Variants in MAGI2 observed in about 807,000 individuals in gnomAD.
MAGI2 encodes membrane-associated guanylate kinase, WW and PDZ domain-containing protein 2.
Under a neutral mutation model 133.3 loss-of-function variants are expected in MAGI2, and 35 were observed. The observed-to-expected ratio is 0.26, with a 90% confidence interval of 0.20 to 0.35. MAGI2 has a LOEUF of 0.35. Among genes scored for constraint, MAGI2 ranks in the 10% least tolerant of loss-of-function variants. MAGI2 has a pLI of 1.00. For synonymous variants in MAGI2, 729 were observed against 710.6 expected (o/e 1.03, Z -0.41); for missense variants, 1,636 against 1,863.4 (o/e 0.88, Z 2.25).
intron 1 of MAGI2, among the ~76,000 whole-genome samples, chr7:79,344,569 C>A (rs1305606198): frequency 6.6e-6 from 1 of 151,982 alleles, no homozygotes; most frequent in Non-Finnish European, 1.5e-5. Flanking sequence ...TAGATATAAA[C>A]AAAGGTGCAA....
At chr7:78,617,885 C>T (rs2150930003) in intron 3 of MAGI2, 1 of 151,998 alleles carries the variant, frequency 6.6e-6, no homozygotes. Flanking sequence ...TTTCTATTTC[C>T]CCTGAGAGAA....
intron 16 of MAGI2, among the ~76,000 whole-genome samples, chr7:78,156,811 GA>G (rs577837030): frequency 9.6e-5 from 12 of 125,196 alleles, no homozygotes; most frequent in African/African-American, 1.5e-4. Flanking sequence ...CCGAAGCCAC[GA>G]AAAAAAAAAC....
At chr7:79,331,253 T>A (rs912104847) in intron 1 of MAGI2, among the ~76,000 whole-genome samples, 3 of 152,192 alleles carry the variant, frequency 2.0e-5, no homozygotes, top group Non-Finnish European at 4.4e-5. Context: ...CTCGATGTAT[T>A]GTTAATGAGT....
intron 21 of MAGI2, among the ~76,000 whole-genome samples, chr7:78,021,470 A>T (rs1377354870): frequency 1.3e-5 from 2 of 152,140 alleles, no homozygotes; most frequent in Non-Finnish European, 2.9e-5. Flanking sequence ...ACTTGTGCAT[A>T]CTCAGTCCAT....
chr7:78,807,626 A>T (rs975722328), intron 2 of MAGI2, among the ~76,000 whole-genome samples: 9 of 152,142 alleles, frequency 5.9e-5, no homozygotes, highest in Non-Finnish European at 4.4e-5. Context: ...AAAAAGCCTC[A>T]ATGGCTCTTC....
intron 7 of MAGI2, among the ~76,000 whole-genome samples, chr7:78,364,956 C>T (rs1238660542): frequency 6.6e-6 from 1 of 152,208 alleles, no homozygotes; most frequent in Admixed American, 6.5e-5. Flanking sequence ...GGGCTAAGTT[C>T]TTTCTGCTGC....
At chr7:79,162,631 T>C (rs1824482586) in intron 1 of MAGI2, among the ~76,000 whole-genome samples, 1 of 152,086 alleles carries the variant, frequency 6.6e-6, no homozygotes, top group Non-Finnish European at 1.5e-5. Context: ...CTACTTACTA[T>C]AGAATTAAAG....
At chr7:78,421,390 T>C (rs535814584) in intron 6 of MAGI2, among the ~76,000 whole-genome samples, 67 of 152,346 alleles carry the variant, frequency 4.4e-4, no homozygotes, top group African/African-American at 1.5e-3. Flanking sequence ...TGTGGCCAAA[T>C]TGTAGACATA....
At chr7:79,018,371 C>G (rs1400331027) in intron 1 of MAGI2, among the ~76,000 whole-genome samples, 1 of 152,080 alleles carries the variant, frequency 6.6e-6, no homozygotes. Context: ...ACTATCAGAC[C>G]TGCCTTTCAA....
intron 18 of MAGI2, 88 bp downstream of exon 18, chr7:78,132,801 C>T: frequency 1.3e-6 from 2 of 1,576,388 alleles, no homozygotes; most frequent in Admixed American, 1.8e-5. Flanking sequence ...AAGTCTCTCT[C>T]TCTGCCTGTC....
chr7:78,315,176 A>G (rs1787281336), intron 9 of MAGI2, among the ~76,000 whole-genome samples: 1 of 152,124 alleles, frequency 6.6e-6, no homozygotes, highest in Non-Finnish European at 1.5e-5. Context: ...GTTGACTCCC[A>G]CTTGGAATTA....
chr7:78,186,962 T>C (rs999802795), intron 12 of MAGI2, among the ~76,000 whole-genome samples: 3 of 152,138 alleles, frequency 2.0e-5, no homozygotes, highest in African/African-American at 7.2e-5. Flanking sequence ...AGAAGACACA[T>C]GTATGCAAAC....
At chr7:79,235,087 C>A (rs2129554564) in intron 1 of MAGI2, among the ~76,000 whole-genome samples, 1 of 151,740 alleles carries the variant, frequency 6.6e-6, no homozygotes, top group African/African-American at 2.4e-5. Context: ...CTGGGGGGTG[C>A]CTCCCAGTTA....
intron 2 of MAGI2, among the ~76,000 whole-genome samples, chr7:78,651,019 T>C (rs368707573): frequency 2.6e-5 from 4 of 152,182 alleles, no homozygotes; most frequent in East Asian, 3.9e-4. Flanking sequence ...ATCCTTGACA[T>C]GGTAACTTCA....
chr7:79,234,327 T>G (rs368183700), intron 1 of MAGI2, among the ~76,000 whole-genome samples: 5,594 of 151,112 alleles, frequency 0.037, 162 homozygotes, highest in African/African-American at 0.075. Flanking sequence ...ATTTCCTGAA[T>G]CTGAACGTTG....
At chr7:78,924,838 T>C (rs1799564661) in intron 2 of MAGI2, among the ~76,000 whole-genome samples, 1 of 149,736 alleles carries the variant, frequency 6.7e-6, no homozygotes, top group African/African-American at 2.5e-5. Flanking sequence ...TTCTACATTA[T>C]TATTATTATT....
intron 1 of MAGI2, among the ~76,000 whole-genome samples, chr7:79,072,216 A>G (rs1275361205): frequency 1.3e-5 from 2 of 152,198 alleles, no homozygotes; most frequent in Admixed American, 6.5e-5. Flanking sequence ...TGGGACCTGC[A>G]GACTGGAGCT....
At chr7:79,383,386 T>C (rs1262976503) in intron 1 of MAGI2, among the ~76,000 whole-genome samples, 1 of 151,514 alleles carries the variant, frequency 6.6e-6, no homozygotes. Flanking sequence ...ACAAGGAAAG[T>C]TTAGGAAGGG....
At chr7:78,976,270 A>T (rs1398748034) in intron 2 of MAGI2, among the ~76,000 whole-genome samples, 2 of 151,600 alleles carry the variant, frequency 1.3e-5, no homozygotes, top group Non-Finnish European at 3.0e-5. Context: ...AAGCTGTTTC[A>T]ACATTAGACA....
Sources: allele counts gnomAD v4.1 joint callset (sites outside exome capture counted in the v4.1 genomes callset), GRCh38; gene constraint gnomAD v4.1.1; transcripts MANE v1.5; gene names NCBI Gene and HGNC (gene_info 2026-07-23, HGNC 2026-07-21).